ZMIZ1: variants seen among roughly 807,000 people sequenced by gnomAD.
ZMIZ1 encodes the protein zinc finger MIZ-type containing 1.
In ZMIZ1, 17 loss-of-function variants were observed where a neutral mutation model predicts 113.9. That is an observed-to-expected ratio of 0.15 (90% CI 0.10 to 0.22). The LOEUF (loss-of-function observed/expected upper bound fraction) is 0.22. Among genes scored for constraint, ZMIZ1 ranks in the 10% least tolerant of loss-of-function variants. ZMIZ1 has a pLI of 1.00. For synonymous variants in ZMIZ1, 607 were observed against 603.1 expected (o/e 1.01, Z -0.09); for missense variants, 1,059 against 1,477.8 (o/e 0.72, Z 4.65).
intron 22 of ZMIZ1, 99 bp from the exon 23 acceptor site, chr10:79,307,306 A>G: frequency 7.9e-7 from 1 of 1,272,264 alleles, no homozygotes. Flanking sequence ...CGCAAGAGGA[A>G]AAGGACTTGG....
At chr10:79,166,617 G>A (rs777101153) in intron 4 of ZMIZ1, among the ~76,000 whole-genome samples, 1 of 152,266 alleles carries the variant, frequency 6.6e-6, no homozygotes, top group Admixed American at 6.5e-5. Flanking sequence ...CTAACAAGGG[G>A]TGGTTGGAAA....
At position 79,151,106 on chromosome 10, in the gene ZMIZ1, C is replaced by T. The variant is rs1234726594; in HGVS notation, c.-130-10947C>T. On this transcript the variant is annotated intron_variant, in intron 3 of 24. Coordinates refer to ENST00000334512, the MANE Select transcript of ZMIZ1 (RefSeq NM_020338.4). ...GGATGGGTTAAGACAGATCCGGGGG[C>T]CACCTTGAGCTCCTGGGCGAGCTGA... Among the ~76,000 whole-genome samples the T allele has an allele frequency of 2.0e-5, 3 of 152,090 alleles. No homozygotes were observed. In the East Asian group the frequency reaches 5.8e-4, roughly 29 times the overall value.
At chr10:79,104,258 C>T (rs574789552) in intron 1 of ZMIZ1, among the ~76,000 whole-genome samples, 121 of 152,228 alleles carry the variant, frequency 7.9e-4, no homozygotes, top group Non-Finnish European at 1.5e-3. Context: ...AGGGTCATGG[C>T]GTGAGTAAAG....
At chr10:79,192,658 C>A (rs995788135) in intron 4 of ZMIZ1, among the ~76,000 whole-genome samples, 1 of 152,216 alleles carries the variant, frequency 6.6e-6, no homozygotes, top group Non-Finnish European at 1.5e-5. Flanking sequence ...AAAACACTGT[C>A]CCCTAAGTAT....
intron 5 of ZMIZ1, among the ~76,000 whole-genome samples, chr10:79,203,723 C>T (rs1848197215): frequency 6.6e-6 from 1 of 152,250 alleles, no homozygotes; most frequent in African/African-American, 2.4e-5. Flanking sequence ...CCAGAAGCCC[C>T]TCACAGCATG....
chr10:79,256,375 T>C (rs1179619926), intron 7 of ZMIZ1, among the ~76,000 whole-genome samples: 2 of 151,816 alleles, frequency 1.3e-5, no homozygotes, highest in Non-Finnish European at 2.9e-5. Context: ...TTCCCCACTA[T>C]CTCCCAGCCC....
intron 6 of ZMIZ1, among the ~76,000 whole-genome samples, chr10:79,212,951 G>A (rs1366465249): frequency 2.6e-5 from 4 of 152,102 alleles, no homozygotes; most frequent in Non-Finnish European, 5.9e-5. Context: ...TGTGGCGTGA[G>A]GCTGGGTTCC....
At chr10:79,071,465 C>A (rs1842285174) in intron 1 of ZMIZ1, among the ~76,000 whole-genome samples, 1 of 152,220 alleles carries the variant, frequency 6.6e-6, no homozygotes, top group Admixed American at 6.5e-5. Context: ...CTGGTGAATT[C>A]CAGCCTGCGT....
chr10:79,290,269 T>C (rs936275157), intron 9 of ZMIZ1, among the ~76,000 whole-genome samples: 2 of 152,194 alleles, frequency 1.3e-5, no homozygotes, highest in Non-Finnish European at 2.9e-5. Flanking sequence ...CATCAAAATA[T>C]TGTGCCTTGG....
intron 7 of ZMIZ1, among the ~76,000 whole-genome samples, chr10:79,240,087 G>A (rs1006736500): frequency 6.6e-6 from 1 of 152,190 alleles, no homozygotes; most frequent in Non-Finnish European, 1.5e-5. Flanking sequence ...AAACACCCGC[G>A]AGAAAAGCCA....
At chr10:79,147,674 C>T (rs567130938) in intron 3 of ZMIZ1, among the ~76,000 whole-genome samples, 2 of 152,314 alleles carry the variant, frequency 1.3e-5, no homozygotes, top group East Asian at 3.9e-4. Context: ...TTGTCATGAG[C>T]TGGCCATTTC....
chr10:79,123,511 G>A (rs767997339), intron 2 of ZMIZ1, among the ~76,000 whole-genome samples: 6 of 152,184 alleles, frequency 3.9e-5, no homozygotes, highest in Non-Finnish European at 8.8e-5. Context: ...GTGAGTAGGG[G>A]GTGGACTCCA....
chr10:79,305,336 C>T (rs1223539433), intron 20 of ZMIZ1, 105 bp downstream of exon 20: 1 of 1,385,438 alleles, frequency 7.2e-7, no homozygotes, highest in East Asian at 2.3e-5. Context: ...AACCAGAACC[C>T]AAACATGGCA....
intron 2 of ZMIZ1, among the ~76,000 whole-genome samples, chr10:79,122,541 G>T (rs539228699): frequency 3.3e-5 from 5 of 152,052 alleles, no homozygotes; most frequent in Admixed American, 2.0e-4. Context: ...TCTCTCCTTG[G>T]CAGACTCACT....
chr10:79,165,967 T>C (rs868421898), intron 4 of ZMIZ1, among the ~76,000 whole-genome samples: 638 of 9,492 alleles, frequency 0.067, 1 homozygote, highest in African/African-American at 0.14. Context: ...TGTGTGTGTG[T>C]GTGTGTGTGT....
intron 4 of ZMIZ1, among the ~76,000 whole-genome samples, chr10:79,167,371 C>T (rs1284577917): frequency 1.3e-5 from 2 of 152,126 alleles, no homozygotes; most frequent in Non-Finnish European, 2.9e-5. Flanking sequence ...ACGGCGCATG[C>T]TTGGAGAGTC....
At chr10:79,264,904 G>A (rs1478819031) in intron 7 of ZMIZ1, among the ~76,000 whole-genome samples, 1 of 152,218 alleles carries the variant, frequency 6.6e-6, no homozygotes, top group Non-Finnish European at 1.5e-5. Context: ...GGATGTCTTT[G>A]ATGGCCCCTG....
chr10:79,300,670 T>C, intron 16 of ZMIZ1, 62 bp from the exon 17 acceptor site: 1 of 1,514,184 alleles, frequency 6.6e-7, no homozygotes, highest in Non-Finnish European at 8.8e-7. Context: ...TGGCTCGGGG[T>C]CACGGAGGCC....
At chr10:79,174,120 A>T (rs990302854) in intron 4 of ZMIZ1, among the ~76,000 whole-genome samples, 1 of 152,158 alleles carries the variant, frequency 6.6e-6, no homozygotes, top group Non-Finnish European at 1.5e-5. Context: ...CATTCCTCAG[A>T]TCCCACTGGG....
Sources: gnomAD v4.1 joint callset for allele counts (sites outside exome capture counted in the v4.1 genomes callset) on GRCh38, gnomAD v4.1.1 for gene constraint, MANE v1.5 for transcripts, NCBI Gene and HGNC (gene_info 2026-07-23, HGNC 2026-07-21) for gene names.